ZNF609: variants seen among roughly 807,000 people sequenced by gnomAD.
The protein encoded by ZNF609 is zinc finger protein 609.
A neutral mutation model predicts 109.5 loss-of-function variants in ZNF609; 11 were observed. That is an observed-to-expected ratio of 0.10 (90% CI 0.06 to 0.17). The LOEUF (loss-of-function observed/expected upper bound fraction) is 0.17. ZNF609 is among the 10% of genes least tolerant of loss of function. The pLI, the probability that ZNF609 is intolerant of heterozygous loss-of-function variation, is 1.00. For missense variants in ZNF609, 1,559 were observed against 1,772.4 expected, an observed-to-expected ratio of 0.88 and a Z score of 2.16; for synonymous variants, 646 against 662.0, an observed-to-expected ratio of 0.98 and a Z score of 0.37.
At chr15:64,544,091 G>C (rs895689092) in intron 2 of ZNF609, among the ~76,000 whole-genome samples, 5 of 152,154 alleles carry the variant, frequency 3.3e-5, no homozygotes, top group African/African-American at 1.2e-4. Context: ...TATAATTCCA[G>C]CACTTTGGAG....
chr15:64,490,347 C>T lies in ZNF609; in HGVS notation c.-127-8946C>T, dbSNP rs577326665. ...GGAGTGCAATGGCACGGTCTCGGCT[C>T]ACTGCAACCTCCACCTCGCGGGTTC... On this transcript the variant is annotated intron_variant, in intron 1 of 9. Transcript: ENST00000326648. 5.3e-5 allele frequency among the ~76,000 whole-genome samples: 8 copies of T among 150,934 alleles called. No homozygotes were observed. In the East Asian group the frequency reaches 1.6e-3, roughly 30 times the overall value.
intron 3 of ZNF609, among the ~76,000 whole-genome samples, chr15:64,625,702 A>G (rs190399680): frequency 0.013 from 1,956 of 151,168 alleles, 31 homozygotes; most frequent in African/African-American, 0.046. Context: ...CATCCTGGCT[A>G]ACATGGTGAA....
chr15:64,675,798 C>T lies in ZNF609; in HGVS notation c.2944C>T (p.Pro982Ser), dbSNP rs1329859110. Residue 982 changes from proline to serine, a missense_variant, in exon 5 of 10, where the codon CCC becomes TCC. Pro to Ser is a moderately conservative substitution (Grantham distance 74). Coordinates refer to ENST00000326648, the MANE Select transcript of ZNF609 (RefSeq NM_015042.2). ...LYYNQYAYVP[P>S]YGYSDQSYHT... is the part of the protein sequence containing the mutation. ...CTACAACCAGTATGCCTATGTACCC[C>T]CCTATGGCTACAGCGACCAGAGTTA... 1.2e-6 allele frequency: 2 copies of T among 1,614,170 alleles called. No individual in the cohort carries two copies. Among genetic ancestry groups the T allele is most frequent in the East Asian group, 2.2e-5 (1 of 44,884 alleles).
chr15:64,507,368 G>T (rs1893652246), intron 2 of ZNF609, among the ~76,000 whole-genome samples: 1 of 152,128 alleles, frequency 6.6e-6, no homozygotes, highest in Non-Finnish European at 1.5e-5. Flanking sequence ...TTGGGATGTG[G>T]CAGTAACATA....
intron 3 of ZNF609, among the ~76,000 whole-genome samples, chr15:64,661,427 T>C (rs1489121960): frequency 1.3e-5 from 2 of 152,182 alleles, no homozygotes; most frequent in Non-Finnish European, 2.9e-5. Context: ...AATAATAGAA[T>C]GAATGAAAGC....
In ZNF609 at chr15:64,681,827, AC is replaced by A. The variant is rs1432318444; in HGVS notation, c.*144del. On this transcript the variant is annotated 3_prime_UTR_variant, in exon 10 of 10. Transcript: ENST00000326648. ...CCGTTTCCACCATGACTGAAGGCAG[AC>A]CCTTGGCTATCTCACCTCCACCAGA... 3 of 156,374 alleles carry A rather than the reference AC, an allele frequency of 1.9e-5. No individual in the cohort carries two copies. The highest frequency in any genetic ancestry group is 7.2e-5 in the African/African-American group (3 of 41,542). 9.7% of individuals were successfully genotyped at this position (156,374 alleles called of 1,614,324 possible). A position where few individuals can be genotyped will look rare whatever the true frequency, so the allele number is the denominator to read the frequency against.
At chr15:64,681,534 C>T in intron 9 of ZNF609, 147 bp downstream of exon 9, 1 of 678,788 alleles carries the variant, frequency 1.5e-6, no homozygotes, top group Non-Finnish European at 2.6e-6. Flanking sequence ...ACAAGAGTCT[C>T]CCGTGAAGCC....
intron 2 of ZNF609, among the ~76,000 whole-genome samples, chr15:64,561,308 G>C (rs1894676437): frequency 6.6e-6 from 1 of 152,040 alleles, no homozygotes; most frequent in African/African-American, 2.4e-5. Flanking sequence ...TTCTCTTCTA[G>C]AGAAATCTTT....
intron 2 of ZNF609, among the ~76,000 whole-genome samples, chr15:64,552,442 G>A (rs190818578): frequency 7.4e-4 from 113 of 152,204 alleles, no homozygotes; most frequent in African/African-American, 2.5e-3. Context: ...CGCGATCTTG[G>A]CTCACTGAAA....
intron 2 of ZNF609, chr15:64,528,627 C>T (rs1416550436): frequency 3.7e-6 from 3 of 819,430 alleles, no homozygotes; most frequent in Non-Finnish European, 6.0e-6. Flanking sequence ...GAGCTTCTGT[C>T]TTCCTCTCAT....
At chr15:64,529,118 G>A in intron 2 of ZNF609, 1 of 780,276 alleles carries the variant, frequency 1.3e-6, no homozygotes, top group East Asian at 2.5e-5. Context: ...TTTATAGTCT[G>A]GGTGGCAGTG....
intron 5 of ZNF609, among the ~76,000 whole-genome samples, chr15:64,677,488 CT>C (rs1202788400): frequency 6.6e-6 from 1 of 152,176 alleles, no homozygotes; most frequent in Non-Finnish European, 1.5e-5. Flanking sequence ...ATCTCGATTC[CT>C]TGTCCGTGTT....
At chr15:64,545,759 A>G (rs1894348735) in intron 2 of ZNF609, among the ~76,000 whole-genome samples, 1 of 152,212 alleles carries the variant, frequency 6.6e-6, no homozygotes, top group Non-Finnish European at 1.5e-5. Flanking sequence ...GAGAAATCAT[A>G]CAGTGAGTAC....
Position 64,551,667 on chromosome 15 carries a change from A to G in ZNF609, c.747+51501A>G, listed in dbSNP as rs1205612088. Among the ~76,000 whole-genome samples, 67 of 149,186 alleles carry G rather than the reference A, an allele frequency of 4.5e-4. 4 individuals are homozygous for G. The highest frequency in any genetic ancestry group is 7.0e-4 in the Non-Finnish European group (47 of 66,854). On this transcript the variant is annotated intron_variant, in intron 2 of 9. Transcript: ENST00000326648. ...AACTCTGTCTCAAAAAAAAAAAAAA[A>G]AGAGAGAAAAGTAGATGTCTCAGGG...
chr15:64,605,275 GT>G (rs1895576644), intron 2 of ZNF609, among the ~76,000 whole-genome samples: 1 of 152,258 alleles, frequency 6.6e-6, no homozygotes, highest in South Asian at 2.1e-4. Context: ...GTTTCATGTA[GT>G]TTTGGTAGAT....
At chr15:64,489,298 G>A (rs921871737) in intron 1 of ZNF609, among the ~76,000 whole-genome samples, 2 of 151,572 alleles carry the variant, frequency 1.3e-5, no homozygotes, top group Non-Finnish European at 2.9e-5. Context: ...CAATTCTCCT[G>A]CCTCAGCCTC....
chr15:64,543,355 C>A lies in ZNF609; in HGVS notation c.747+43189C>A, dbSNP rs187865144. On this transcript the variant is annotated intron_variant, in intron 2 of 9. Coordinates refer to ENST00000326648, the MANE Select transcript of ZNF609 (RefSeq NM_015042.2). Reference sequence around the variant, plus strand: ...CCTAGACATGCCATGGGGGTTCATACTTTCTGTTGTTTCATATAATTGTAC... The same window carrying A: ...CCTAGACATGCCATGGGGGTTCATAATTTCTGTTGTTTCATATAATTGTAC... Among the ~76,000 whole-genome samples, 18 of 145,432 alleles carry A rather than the reference C, an allele frequency of 1.2e-4. No homozygotes were observed. In the East Asian group the frequency reaches 3.3e-3, roughly 27 times the overall value.
chr15:64,561,617 A>G (rs894812446), intron 2 of ZNF609, among the ~76,000 whole-genome samples: 24 of 150,122 alleles, frequency 1.6e-4, no homozygotes, highest in African/African-American at 5.6e-4. Context: ...GCTAGCCACG[A>G]ACTCCTGGGC....
At chr15:64,499,015 G>C (rs1893520735) in intron 1 of ZNF609, among the ~76,000 whole-genome samples, 1 of 152,164 alleles carries the variant, frequency 6.6e-6, no homozygotes, top group Admixed American at 6.5e-5. Flanking sequence ...AGGTCTCTTA[G>C]GAGTGGGAAA....
Sources: gnomAD v4.1 joint callset for allele counts (sites outside exome capture counted in the v4.1 genomes callset) on GRCh38, gnomAD v4.1.1 for gene constraint, MANE v1.5 for transcripts, NCBI Gene and HGNC (gene_info 2026-07-23, HGNC 2026-07-21) for gene names.